Variants in RTCB observed in about 807,000 individuals in gnomAD.
RTCB encodes RNA 2',3'-cyclic phosphate and 5'-OH ligase.
A neutral mutation model predicts 58.2 loss-of-function variants in RTCB; 32 were observed. That is an observed-to-expected ratio of 0.55 (90% CI 0.41 to 0.74). RTCB has a LOEUF of 0.74. RTCB is among the 30% of genes least tolerant of loss of function. RTCB has a pLI of 0.00. For missense variants in RTCB, 523 were observed against 639.0 expected (o/e 0.82, Z 1.96); for synonymous variants, 247 against 218.6 (o/e 1.13, Z -1.15).
intron 2 of RTCB, 71 bp from the exon 3 acceptor site, chr22:32,408,313 T>C: frequency 7.7e-7 from 1 of 1,295,698 alleles, no homozygotes. Context: ...TTCATGTTTT[T>C]AGACTGTATA....
chr22:32,412,036 G>A, intron 1 of RTCB, 28 bp downstream of exon 1: 1 of 1,569,740 alleles, frequency 6.4e-7, no homozygotes, highest in Non-Finnish European at 8.7e-7. Context: ...GAGCACGGAA[G>A]GCCCCGCCAT....
At chr22:32,402,058 G>T (rs984547974) in intron 4 of RTCB, among the ~76,000 whole-genome samples, 155 bp from the exon 5 acceptor site, 1 of 152,170 alleles carries the variant, frequency 6.6e-6, no homozygotes, top group Non-Finnish European at 1.5e-5. Context: ...AGTAAAGCTT[G>T]ATGACACCAA....
Position 32,412,148 on chromosome 22 carries a change from G to A in RTCB, c.9C>T (p.Arg3=). ...AGAACTGCAGCTCATCATTATAGCTGCGACTCATGGTGGCGAAAACTGTAG... is the reference window on the plus strand; with the variant it reads ...AGAACTGCAGCTCATCATTATAGCTACGACTCATGGTGGCGAAAACTGTAG... MS[R]SYNDELQFLE... is the part of the protein sequence containing the mutation. Residue 3 remains arginine, a synonymous_variant, in exon 1 of 12, where the codon CGC becomes CGT. Coordinates refer to ENST00000216038, the MANE Select transcript of RTCB (RefSeq NM_014306.5). 1.9e-6 allele frequency: 3 copies of A among 1,595,222 alleles called. No individual in the cohort carries two copies. Among genetic ancestry groups the A allele is most frequent in the Non-Finnish European group, 2.6e-6 (3 of 1,172,200 alleles).
chr22:32,393,867 C>A lies in RTCB; in HGVS notation c.1290+25G>T, dbSNP rs763249321. The stretch of plus-strand genomic sequence containing the variant: ...CATAGCTAAACTGAAGAGAGCATTT[C>A]TAAGGAAGTTTCTGTTTTCCTTACC... On this transcript the variant is annotated intron_variant, in intron 10 of 11. Coordinates refer to ENST00000216038, the MANE Select transcript of RTCB (RefSeq NM_014306.5). 22 of 1,483,570 alleles carry A rather than the reference C, an allele frequency of 1.5e-5. No homozygotes were observed. In the East Asian group the frequency reaches 4.5e-4, roughly 30 times the overall value. 91.9% of individuals were successfully genotyped at this position (1,483,570 alleles called of 1,614,324 possible). A position where few individuals can be genotyped will look rare whatever the true frequency, so the allele number is the denominator to read the frequency against.
At chr22:32,410,146 C>G (rs1933495891) in intron 1 of RTCB, among the ~76,000 whole-genome samples, 1 of 152,092 alleles carries the variant, frequency 6.6e-6, no homozygotes, top group Non-Finnish European at 1.5e-5. Context: ...ATAAGAATAT[C>G]AGAGTGCAAT....
At chr22:32,411,592 G>A (rs1933525595) in intron 1 of RTCB, among the ~76,000 whole-genome samples, 1 of 152,138 alleles carries the variant, frequency 6.6e-6, no homozygotes, top group African/African-American at 2.4e-5. Flanking sequence ...AAACCAACAT[G>A]CGATACTGAA....
At chr22:32,411,191 G>A (rs1933517270) in intron 1 of RTCB, among the ~76,000 whole-genome samples, 1 of 152,314 alleles carries the variant, frequency 6.6e-6, no homozygotes, top group East Asian at 1.9e-4. Flanking sequence ...TGACTATTGG[G>A]AGCTGTTTAC....
chr22:32,396,479 C>T (rs774586187), intron 7 of RTCB, among the ~76,000 whole-genome samples: 12 of 152,216 alleles, frequency 7.9e-5, no homozygotes, highest in Non-Finnish European at 1.5e-4. Flanking sequence ...AACATTTGCC[C>T]TCTAGGAACT....
At chr22:32,399,865 C>G in intron 5 of RTCB, 106 bp from the exon 6 acceptor site, 3 of 1,072,640 alleles carry the variant, frequency 2.8e-6, no homozygotes, top group Non-Finnish European at 4.0e-6. Flanking sequence ...TTTACTATCT[C>G]CTGTGTTCCA....
At chr22:32,396,383 T>C in intron 7 of RTCB, 134 bp from the exon 8 acceptor site, 2 of 859,056 alleles carry the variant, frequency 2.3e-6, no homozygotes, top group Non-Finnish European at 3.6e-6. Flanking sequence ...TTCCCTTTAA[T>C]GTGTTTCTGA....
At chr22:32,406,816 C>A in intron 3 of RTCB, 55 bp from the exon 4 acceptor site, 1 of 1,181,598 alleles carries the variant, frequency 8.5e-7, no homozygotes, top group Non-Finnish European at 1.3e-6. Context: ...ACCCTGGATG[C>A]CCTGATGGAC....
chr22:32,401,852 A>G lies in RTCB; in HGVS notation c.392T>C (p.Leu131Ser). ...CACAGGCTGGACATCACTTTCATCT[A>G]AATTGGTTCTTAGCAAGCGGACACC... Reference protein sequence around the residue: ...NCGVRLLRTNLDESDVQPVKE... With the variant: ...NCGVRLLRTNSDESDVQPVKE... The change falls in exon 5 of 12, where the codon TTA becomes TCA. Residue 131 changes from leucine (L) to serine (S), a missense_variant. Leu to Ser is a moderately radical substitution (Grantham distance 145). Coordinates refer to ENST00000216038, the MANE Select transcript of RTCB (RefSeq NM_014306.5). 1 of 1,614,136 alleles carries G rather than the reference A, an allele frequency of 6.2e-7. No homozygotes were observed. Among genetic ancestry groups the G allele is most frequent in the Non-Finnish European group, 8.5e-7 (1 of 1,179,982 alleles).
rs1933428259 is a variant in RTCB at position 32,406,667 on chromosome 22, G to A, written c.335C>T (p.Ser112Phe). 6.2e-6 allele frequency: 10 copies of A among 1,607,030 alleles called. No individual in the cohort carries two copies. Among genetic ancestry groups the A allele is most frequent in the Non-Finnish European group, 6.8e-6 (8 of 1,174,104 alleles). Residue 112 changes from serine (S) to phenylalanine (F), a missense_variant, in exon 4 of 12, where the codon TCC becomes TTC. Ser to Phe is a radical substitution (Grantham distance 155, BLOSUM62 -2). Transcript: ENST00000216038. ...FDMNDPEAVV[S>F]PGGVGFDINC... ...GATGTCCACAGTGATCTTACCTGGG[G>A]ATACTACTGCTTCAGGGTCATTCAT...
chr22:32,406,025 T>C (rs1313075842), intron 4 of RTCB, among the ~76,000 whole-genome samples: 1 of 152,170 alleles, frequency 6.6e-6, no homozygotes, highest in Non-Finnish European at 1.5e-5. Flanking sequence ...AAGCTACTAA[T>C]ACTGTGTGGT....
At chr22:32,394,150 C>T (rs375013419) in intron 9 of RTCB, 148 bp from the exon 10 acceptor site, 10 of 551,326 alleles carry the variant, frequency 1.8e-5, no homozygotes, top group Non-Finnish European at 2.5e-5. Context: ...CTTGCTCTGT[C>T]GCCCAGGCTG....
intron 11 of RTCB, 74 bp downstream of exon 11, chr22:32,392,166 C>T (rs1933163731): frequency 8.2e-6 from 12 of 1,460,630 alleles, no homozygotes; most frequent in Non-Finnish European, 1.1e-5. Context: ...CCCTAAATTG[C>T]TGTCTCTGTA....
chr22:32,392,429 A>C (rs1483300969), intron 10 of RTCB, 70 bp from the exon 11 acceptor site: 5 of 1,600,118 alleles, frequency 3.1e-6, no homozygotes, highest in Non-Finnish European at 3.4e-6. Context: ...ATTTTCTCTC[A>C]CACTAAAAAG....
At chr22:32,407,871 C>T (rs1269587436) in intron 3 of RTCB, 16 of 320,854 alleles carry the variant, frequency 5.0e-5, no homozygotes, top group Non-Finnish European at 1.8e-5. Flanking sequence ...AAGCAATCCT[C>T]CCACTTAGCA....
At chr22:32,391,543 C>T (rs181277700) in intron 11 of RTCB, among the ~76,000 whole-genome samples, 13 of 151,906 alleles carry the variant, frequency 8.6e-5, no homozygotes, top group Non-Finnish European at 1.5e-4. Context: ...TTATGGGTGT[C>T]CACCACCATG....
Sources: gnomAD v4.1 joint callset for allele counts (sites outside exome capture counted in the v4.1 genomes callset) on GRCh38, gnomAD v4.1.1 for gene constraint, MANE v1.5 for transcripts, NCBI Gene and HGNC (gene_info 2026-07-23, HGNC 2026-07-21) for gene names.